Variants in SCN1A observed in about 807,000 individuals in gnomAD.
SCN1A encodes sodium voltage-gated channel alpha subunit 1.
SCN1A carries 13 observed loss-of-function variants against 193.7 expected under a neutral mutation model. That is an observed-to-expected ratio of 0.07 (90% CI 0.04 to 0.11). SCN1A has a LOEUF of 0.11. Among genes scored for constraint, SCN1A ranks in the 10% least tolerant of loss-of-function variants. SCN1A has a pLI of 1.00. For synonymous variants in SCN1A, 781 were observed against 843.6 expected, an observed-to-expected ratio of 0.93 and a Z score of 1.29; for missense variants, 1,432 against 2,451.1, an observed-to-expected ratio of 0.58 and a Z score of 8.78.
chr2:166,061,267 A>G (rs1683277240), intron 4 of SCN1A, among the ~76,000 whole-genome samples: 1 of 152,198 alleles, frequency 6.6e-6, no homozygotes, highest in African/African-American at 2.4e-5. Flanking sequence ...AGTAAAAGGC[A>G]AAGCTAGAGA....
intron 2 of SCN1A, among the ~76,000 whole-genome samples, chr2:166,115,965 A>G (rs780323212): frequency 1.3e-5 from 2 of 152,216 alleles, no homozygotes; most frequent in African/African-American, 2.4e-5. Context: ...GTGGCTATTC[A>G]CCAAATAAAG....
At chr2:165,995,347 C>T (rs1689871248) in intron 27 of SCN1A, among the ~76,000 whole-genome samples, 1 of 151,866 alleles carries the variant, frequency 6.6e-6, no homozygotes, top group Admixed American at 6.6e-5. Context: ...CTCAGATCAT[C>T]ATCATAAAAA....
At chr2:166,012,402 G>A in intron 21 of SCN1A, 120 bp from the exon 22 acceptor site, 3 of 739,294 alleles carry the variant, frequency 4.1e-6, no homozygotes, top group Non-Finnish European at 6.6e-6. Flanking sequence ...AGAAACAGTA[G>A]TTACTGTTAC....
At chr2:166,049,422 A>G (rs1475242557) in intron 9 of SCN1A, among the ~76,000 whole-genome samples, 1 of 150,500 alleles carries the variant, frequency 6.6e-6, no homozygotes, top group African/African-American at 2.4e-5. Flanking sequence ...TCTCGCCTAT[A>G]TTTTTAACAC....
chr2:166,027,315 T>G (rs1460956845), intron 19 of SCN1A: 2 of 152,196 alleles, frequency 1.3e-5, no homozygotes, highest in African/African-American at 4.8e-5. Context: ...GATTTTGACC[T>G]TGAGGGTAAG....
chr2:165,995,375 A>ATATTTATC (rs1689878785), intron 27 of SCN1A, among the ~76,000 whole-genome samples: 9 of 151,890 alleles, frequency 5.9e-5, no homozygotes, highest in Non-Finnish European at 1.0e-4. Context: ...AGTGTGGGAT[A>ATATTTATC]ATAGCTGTAC....
rs1688739471 is a variant in SCN1A, at chr2:165,988,394, A to G, written c.*2851T>C. 6.6e-6 allele frequency: 1 copy of G among 152,234 alleles called. No homozygotes were observed. The highest frequency in any genetic ancestry group is 1.5e-5 in the Non-Finnish European group (1 of 68,068). 9.4% of individuals were successfully genotyped at this position (152,234 alleles called of 1,614,324 possible). ...GAATTTCATGAAGGGGACATTTACAAAAGTGTCAGCAATGTTAGGAGAAAG... is the reference window on the plus strand; with the variant it reads ...GAATTTCATGAAGGGGACATTTACAGAAGTGTCAGCAATGTTAGGAGAAAG... On this transcript the variant is annotated 3_prime_UTR_variant, in exon 29 of 29. Coordinates refer to ENST00000674923, the MANE Select transcript of SCN1A (RefSeq NM_001165963.4).
intron 2 of SCN1A, among the ~76,000 whole-genome samples, chr2:166,094,051 AC>A (rs1197945290): frequency 1.3e-5 from 2 of 151,824 alleles, no homozygotes; most frequent in African/African-American, 2.4e-5. Context: ...AATCTTTCAC[AC>A]ACACACACAC....
intron 3 of SCN1A, among the ~76,000 whole-genome samples, chr2:166,076,570 C>T (rs1574387845): frequency 6.6e-6 from 1 of 151,692 alleles, no homozygotes; most frequent in Admixed American, 6.6e-5. Flanking sequence ...GGCAAAAAAC[C>T]CAAAAGAGCC....
At chr2:166,000,247 G>C (rs1279170723) in intron 24 of SCN1A, among the ~76,000 whole-genome samples, 1 of 151,670 alleles carries the variant, frequency 6.6e-6, no homozygotes, top group Admixed American at 6.6e-5. Context: ...GATAGTACCA[G>C]GATACATAAA....
At chr2:166,063,605 A>G (rs1683544611) in intron 4 of SCN1A, among the ~76,000 whole-genome samples, 1 of 152,110 alleles carries the variant, frequency 6.6e-6, no homozygotes, top group Admixed American at 6.6e-5. Flanking sequence ...AATAGAATAT[A>G]GAAGAATTGA....
intron 24 of SCN1A, among the ~76,000 whole-genome samples, chr2:166,001,472 T>G (rs1690831905): frequency 6.6e-6 from 1 of 151,760 alleles, no homozygotes; most frequent in African/African-American, 2.4e-5. Flanking sequence ...TTTGTTTGCT[T>G]AGTTAGTCTT....
chr2:166,055,906 AC>A (rs1294469023), intron 6 of SCN1A, among the ~76,000 whole-genome samples: 3 of 152,114 alleles, frequency 2.0e-5, no homozygotes, highest in African/African-American at 7.2e-5. Flanking sequence ...AAGTTCTACA[AC>A]CCTGAAACTT....
At chr2:166,046,535 T>C (rs1697839796) in intron 12 of SCN1A, among the ~76,000 whole-genome samples, 1 of 152,190 alleles carries the variant, frequency 6.6e-6, no homozygotes, top group Non-Finnish European at 1.5e-5. Context: ...ATTTTCCCTT[T>C]ACTTTGAGAA....
At chr2:166,097,485 A>G (rs1051979957) in intron 2 of SCN1A, among the ~76,000 whole-genome samples, 2 of 152,118 alleles carry the variant, frequency 1.3e-5, no homozygotes, top group African/African-American at 4.8e-5. Context: ...ATCTCTAGAG[A>G]TCTGCTATAT....
chr2:166,066,995 T>G (rs1319699682), intron 4 of SCN1A, among the ~76,000 whole-genome samples: 2 of 152,278 alleles, frequency 1.3e-5, no homozygotes, highest in African/African-American at 4.8e-5. Context: ...ATTATATGTC[T>G]TATTCTATGC....
intron 6 of SCN1A, 28 bp downstream of exon 6, chr2:166,056,383 T>C (rs1699130978): frequency 7.6e-7 from 1 of 1,316,350 alleles, no homozygotes; most frequent in African/African-American, 1.5e-5. Flanking sequence ...AATGTATATA[T>C]GTTATTAAAA....
chr2:166,105,768 A>G (rs1003560886), intron 2 of SCN1A, among the ~76,000 whole-genome samples: 2 of 152,224 alleles, frequency 1.3e-5, no homozygotes, highest in Non-Finnish European at 1.5e-5. Flanking sequence ...AACTTGTCCA[A>G]TTCCTTTTCA....
In SCN1A at chr2:166,039,215, T is replaced by C. The variant is rs1019724; in HGVS notation, c.2589+208A>G. ...AATAGCAACTGAGTAATACGTTAAC[T>C]TTTACGTAACTATGTTCTTTGAAAT... On this transcript the variant is annotated intron_variant, in intron 17 of 28. Coordinates refer to ENST00000674923, the MANE Select transcript of SCN1A (RefSeq NM_001165963.4). 0.74 allele frequency among the ~76,000 whole-genome samples: 112,209 copies of C among 152,120 alleles called. 41,785 individuals are homozygous for C. Among genetic ancestry groups the C allele is most frequent in the East Asian group, 0.89 (4,604 of 5,172 alleles).
Sources: gnomAD v4.1 joint callset for allele counts (sites outside exome capture counted in the v4.1 genomes callset) on GRCh38, gnomAD v4.1.1 for gene constraint, MANE v1.5 for transcripts, NCBI Gene and HGNC (gene_info 2026-07-23, HGNC 2026-07-21) for gene names.